PAPLN: variants seen among roughly 807,000 people sequenced by gnomAD.
PAPLN encodes the protein papilin.
A neutral mutation model predicts 159.0 loss-of-function variants in PAPLN; 146 were observed. That is an observed-to-expected ratio of 0.92 (90% CI 0.80 to 1.05). The LOEUF (loss-of-function observed/expected upper bound fraction) is 1.05, where lower values mean the gene tolerates loss of function less well. PAPLN is among the 50% of genes least tolerant of loss of function. The pLI, the probability that PAPLN is intolerant of heterozygous loss-of-function variation, is 0.00. For synonymous variants in PAPLN, 734 were observed against 702.9 expected (o/e 1.04, Z -0.70); for missense variants, 1,720 against 1,743.9 (o/e 0.99, Z 0.24).
At chr14:73,235,829 A>G (rs1003399920), upstream of PAPLN, among the ~76,000 whole-genome samples, 1 of 152,210 alleles carries the variant, frequency 6.6e-6, no homozygotes, top group Non-Finnish European at 1.5e-5. Flanking sequence ...GGGCCCCGCT[A>G]CAGCTGCTGC....
chr14:73,246,018 T>A, intron 4 of PAPLN, 55 bp from the exon 5 acceptor site: 1 of 1,441,160 alleles, frequency 6.9e-7, no homozygotes, highest in Non-Finnish European at 9.2e-7. Context: ...GGGCGGGAGG[T>A]GGGCGGACCT....
At position 73,254,623 on chromosome 14, in the gene PAPLN, G is replaced by A. The variant is rs776172471; in HGVS notation, c.1413G>A (p.Leu471=). The A allele has an allele frequency of 1.2e-6, 2 of 1,614,050 alleles. No homozygotes were observed. The highest frequency in any genetic ancestry group is 1.1e-5 in the South Asian group (1 of 91,084). The stretch of plus-strand genomic sequence containing the variant: ...GCTCCTTGGAAGACCGGCCACCTCT[G>A]ACTGAGCCCTGTGTGCATGAGGACT... ...AACSLEDRPP[L]TEPCVHEDCP... The change falls in exon 13 of 27, where the codon CTG becomes CTA. Residue 471 remains leucine (L), a synonymous_variant. Coordinates refer to ENST00000644200, the MANE Select transcript of PAPLN (RefSeq NM_001365906.3).
chr14:73,260,606 A>C (rs1594815690), intron 16 of PAPLN, 103 bp from the exon 17 acceptor site: 2 of 1,333,476 alleles, frequency 1.5e-6, no homozygotes, highest in Non-Finnish European at 9.6e-7. Context: ...CCAGGTCCCC[A>C]CCCTGTCAGC....
Position 73,252,674 on chromosome 14 carries a change from C to T in PAPLN, c.993C>T (p.Cys331=). 6.2e-7 allele frequency: 1 copy of T among 1,613,268 alleles called. No individual in the cohort carries two copies. Among genetic ancestry groups the T allele is most frequent in the Non-Finnish European group, 8.5e-7 (1 of 1,179,992 alleles). ...GTCACCAGTCCCGCCTGGTGTTCTG[C>T]ACCATCGACCATGAGGCCTACCCCG... ...GGGHQSRLVF[C]TIDHEAYPDH... The change falls in exon 11 of 27, where the codon TGC becomes TGT. Residue 331 remains cysteine (C), a synonymous_variant. Coordinates refer to ENST00000644200, the MANE Select transcript of PAPLN (RefSeq NM_001365906.3).
At chr14:73,264,371 AG>A in intron 21 of PAPLN, 36 bp downstream of exon 21, 2 of 1,592,824 alleles carry the variant, frequency 1.3e-6, no homozygotes, top group Non-Finnish European at 1.7e-6. Flanking sequence ...GTGCGTTCTC[AG>A]GGGCCCGAGT....
Position 73,273,969 on chromosome 14 carries a change from A to G in PAPLN, c.*1305A>G, listed in dbSNP as rs1887950213. On this transcript the variant is annotated 3_prime_UTR_variant, in exon 27 of 27. Transcript: ENST00000644200. ...GATGTTGGACCTTGAAGCCCTCCTG[A>G]GGCCAACATGCAAATCTGGCTGTGA... 6.6e-6 allele frequency: 1 copy of G among 152,238 alleles called. No individual in the cohort carries two copies. The highest frequency in any genetic ancestry group is 1.5e-5 in the Non-Finnish European group (1 of 68,046). 9.4% of individuals were successfully genotyped at this position (152,238 alleles called of 1,614,324 possible). A position where few individuals can be genotyped will look rare whatever the true frequency, so the allele number is the denominator to read the frequency against.
chr14:73,236,625 TGG>T (rs1883044729), upstream of PAPLN, among the ~76,000 whole-genome samples: 1 of 152,066 alleles, frequency 6.6e-6, no homozygotes, highest in East Asian at 1.9e-4. Context: ...GAGACCAGTC[TGG>T]CCAACAAGGT....
intron 10 of PAPLN, 65 bp from the exon 11 acceptor site, chr14:73,252,584 G>C (rs1885410023): frequency 1.3e-6 from 2 of 1,573,028 alleles, no homozygotes; most frequent in Non-Finnish European, 8.6e-7. Context: ...ATGGCGCCTG[G>C]CCCAGGGAAC....
rs762087754 is a variant in PAPLN, at chr14:73,253,887, C to T, written c.1228C>T (p.Pro410Ser). ...AVEEAECAGL[P>S]GKPPAIQACN... Reference sequence around the variant, plus strand: ...GGAGGAGGCTGAGTGTGCCGGGCTGCCTGGGAAGCCCCCTGCCATTCAGGC... The same window carrying T: ...GGAGGAGGCTGAGTGTGCCGGGCTGTCTGGGAAGCCCCCTGCCATTCAGGC... The change falls in exon 12 of 27, where the codon CCT becomes TCT. Residue 410 changes from proline (P) to serine (S), a missense_variant. Physicochemically the swap from Pro to Ser is moderately conservative, Grantham distance 74 (BLOSUM62 -1). Transcript: ENST00000644200. 3 of 1,613,186 alleles carry T rather than the reference C, an allele frequency of 1.9e-6. No homozygotes were observed. The highest frequency in any genetic ancestry group is 1.7e-5 in the Admixed American group (1 of 59,992).
chr14:73,266,914 C>G (rs1236395345), intron 25 of PAPLN, 83 bp downstream of exon 25: 1 of 1,268,324 alleles, frequency 7.9e-7, no homozygotes, highest in African/African-American at 1.5e-5. Context: ...CCAGGGATGT[C>G]ACTGTCACCA....
intron 5 of PAPLN, among the ~76,000 whole-genome samples, chr14:73,247,758 T>G: frequency 2.1e-5 from 2 of 97,464 alleles, no homozygotes; most frequent in Non-Finnish European, 3.9e-5. Flanking sequence ...GTTGTGCCGA[T>G]AGTGGCAGTG....
chr14:73,254,996 G>T lies in PAPLN; in HGVS notation c.1605G>T (p.Thr535=). 1 of 1,613,566 alleles carries T rather than the reference G, an allele frequency of 6.2e-7. No individual in the cohort carries two copies. ...SKPVDVEPCN[T]QPCHLPQEVP... ...CTGTGGATGTGGAGCCTTGTAACACGCAGCCCTGTCATCTCCCCCAGGGTA... is the reference window on the plus strand; with the variant it reads ...CTGTGGATGTGGAGCCTTGTAACACTCAGCCCTGTCATCTCCCCCAGGGTA... Residue 535 remains threonine (T), a synonymous_variant, in exon 14 of 27, where the codon ACG becomes ACT. Transcript: ENST00000644200.
At chr14:73,264,914 C>T (rs1055492931) in intron 22 of PAPLN, among the ~76,000 whole-genome samples, 188 bp downstream of exon 22, 1 of 152,194 alleles carries the variant, frequency 6.6e-6, no homozygotes, top group Non-Finnish European at 1.5e-5. Context: ...CTTCTGGGAA[C>T]GGTGCAGTTC....
intron 16 of PAPLN, among the ~76,000 whole-genome samples, chr14:73,260,286 C>T (rs1030213395): frequency 7.2e-5 from 11 of 152,184 alleles, no homozygotes; most frequent in East Asian, 3.9e-4. Context: ...CACCTTGCCT[C>T]GTGGCACCTG....
intron 2 of PAPLN, among the ~76,000 whole-genome samples, chr14:73,242,084 A>G (rs1883616610): frequency 6.6e-6 from 1 of 152,184 alleles, no homozygotes; most frequent in African/African-American, 2.4e-5. Flanking sequence ...ACAGAGCAAG[A>G]GTGTGCTCAT....
At chr14:73,262,211 G>A in intron 18 of PAPLN, 139 bp from the exon 19 acceptor site, 1 of 880,312 alleles carries the variant, frequency 1.1e-6, no homozygotes, top group Non-Finnish European at 1.8e-6. Flanking sequence ...CCAGGGCCAG[G>A]TCAGGCCCCC....
In PAPLN at chr14:73,274,503, A is replaced by C. The variant is rs1311941616; in HGVS notation, c.*1839A>C. The stretch of plus-strand genomic sequence containing the variant: ...TCTTCTCTACTCATTCAACAAAGGA[A>C]ATGTGGGCTGGGGCAGAGGTCTTTT... On this transcript the variant is annotated 3_prime_UTR_variant, in exon 27 of 27. Transcript: ENST00000644200. 1 of 152,232 alleles carries C rather than the reference A, an allele frequency of 6.6e-6. No homozygotes were observed. The highest frequency in any genetic ancestry group is 1.9e-4 in the East Asian group (1 of 5,202). The allele number at this position is 152,232 out of a possible 1,614,324, so 9.4% of individuals were successfully genotyped here.
intron 19 of PAPLN, 137 bp downstream of exon 19, chr14:73,262,964 G>A (rs1886756974): frequency 2.5e-6 from 2 of 789,578 alleles, no homozygotes; most frequent in African/African-American, 1.8e-5. Context: ...CCTGCCTGGT[G>A]GGCCTTGTTG....
chr14:73,253,930 G>A lies in PAPLN; in HGVS notation c.1271G>A (p.Cys424Tyr), dbSNP rs149653493. Reference protein sequence around the residue: ...PAIQACNLQRCAAWSPEPWGE... With the variant: ...PAIQACNLQRYAAWSPEPWGE... ...ATTCAGGCCTGTAACCTGCAGCGCT[G>A]TGCAGCCTGGAGCCCGGAGCCCTGG... is the stretch of plus-strand genomic sequence containing the variant. The change falls in exon 12 of 27, where the codon TGT (cysteine) becomes TAT (tyrosine). Residue 424 changes from cysteine to tyrosine, a missense_variant. Transcript: ENST00000644200. 4 of 1,612,682 alleles carry A rather than the reference G, an allele frequency of 2.5e-6. No homozygotes were observed. Among genetic ancestry groups the A allele is most frequent in the East Asian group, 2.2e-5 (1 of 44,876 alleles).
Sources: allele counts gnomAD v4.1 joint callset (sites outside exome capture counted in the v4.1 genomes callset), GRCh38; gene constraint gnomAD v4.1.1; transcripts MANE v1.5; gene names NCBI Gene and HGNC (gene_info 2026-07-23, HGNC 2026-07-21).